Variants in SPAG9 observed in about 807,000 individuals in gnomAD.
SPAG9 encodes the protein C-Jun-amino-terminal kinase-interacting protein 4.
In SPAG9, 35 loss-of-function variants were observed where a neutral mutation model predicts 166.5. The observed-to-expected ratio is 0.21, with a 90% CI of 0.16 to 0.28. The LOEUF is 0.28. Among genes scored for constraint, SPAG9 ranks in the 10% least tolerant of loss-of-function variants. The pLI is 1.00. For missense variants in SPAG9, 1,235 were observed against 1,603.3 expected (o/e 0.77, Z 3.92); for synonymous variants, 534 against 565.5 (o/e 0.94, Z 0.79).
intron 8 of SPAG9, among the ~76,000 whole-genome samples, chr17:51,019,901 T>C (rs1428773636): frequency 6.6e-6 from 1 of 152,194 alleles, no homozygotes; most frequent in African/African-American, 2.4e-5. Flanking sequence ...CTCTGGTATT[T>C]TGCTATAGCA....
chr17:51,084,572 A>G (rs1325695745), intron 1 of SPAG9, among the ~76,000 whole-genome samples: 1 of 151,906 alleles, frequency 6.6e-6, no homozygotes, highest in Non-Finnish European at 1.5e-5. Flanking sequence ...ACGCCCAGCT[A>G]ATTTTTTTGT....
chr17:50,993,494 G>C (rs1293518077), intron 19 of SPAG9, among the ~76,000 whole-genome samples: 1 of 151,896 alleles, frequency 6.6e-6, no homozygotes, highest in Non-Finnish European at 1.5e-5. Flanking sequence ...CAAAACTTTA[G>C]AAGACCTTTC....
chr17:51,011,665 G>A (rs932364379), intron 9 of SPAG9, among the ~76,000 whole-genome samples: 1 of 152,114 alleles, frequency 6.6e-6, no homozygotes, highest in Non-Finnish European at 1.5e-5. Flanking sequence ...TTACAGGCAT[G>A]AGCCACCGTG....
chr17:51,008,970 A>G (rs935893296), intron 9 of SPAG9, among the ~76,000 whole-genome samples: 1 of 152,192 alleles, frequency 6.6e-6, no homozygotes, highest in Admixed American at 6.5e-5. Context: ...TGTTTGCTAT[A>G]AACTCTCAAG....
At chr17:51,106,102 TACACACACACACACACACACACACACAC>T (rs71149344) in intron 1 of SPAG9, among the ~76,000 whole-genome samples, 3 of 110,574 alleles carry the variant, frequency 2.7e-5, no homozygotes, top group African/African-American at 7.1e-5. Flanking sequence ...CCCCCATCTC[TACACACACACACACACACACACACACAC>T]ACACACACAC....
At chr17:51,089,387 G>A (rs2048386935) in intron 1 of SPAG9, among the ~76,000 whole-genome samples, 2 of 151,340 alleles carry the variant, frequency 1.3e-5, no homozygotes, top group Admixed American at 6.6e-5. Context: ...CTGTGCCATT[G>A]CACTCCAGCC....
At chr17:51,111,808 G>T (rs1277794040) in intron 1 of SPAG9, among the ~76,000 whole-genome samples, 1 of 151,958 alleles carries the variant, frequency 6.6e-6, no homozygotes, top group Non-Finnish European at 1.5e-5. Context: ...TCACCATGTT[G>T]GTCAGGGCTG....
intron 3 of SPAG9, among the ~76,000 whole-genome samples, chr17:51,048,992 GA>G (rs1204974261): frequency 3.9e-5 from 6 of 152,128 alleles, no homozygotes; most frequent in African/African-American, 1.4e-4. Context: ...GTGTCAGGAA[GA>G]ATTTTCAGGA....
intron 2 of SPAG9, among the ~76,000 whole-genome samples, chr17:51,078,165 A>C (rs1244888331): frequency 6.6e-6 from 1 of 152,148 alleles, no homozygotes; most frequent in Non-Finnish European, 1.5e-5. Flanking sequence ...GGTATCCAAC[A>C]ACTCTGGGTA....
intron 3 of SPAG9, among the ~76,000 whole-genome samples, chr17:51,055,223 C>T (rs2047329671): frequency 6.6e-6 from 1 of 151,880 alleles, no homozygotes; most frequent in African/African-American, 2.4e-5. Context: ...TATGGTGGCA[C>T]ACACCTGTAA....
intron 1 of SPAG9, among the ~76,000 whole-genome samples, chr17:51,095,941 ATAGT>A (rs1284578220): frequency 1.7e-5 from 2 of 118,668 alleles, no homozygotes; most frequent in East Asian, 2.1e-4. Context: ...ATATAGTGAT[ATAGT>A]TATATATATA....
chr17:51,115,791 T>C (rs977020169), intron 1 of SPAG9, among the ~76,000 whole-genome samples: 9 of 151,408 alleles, frequency 5.9e-5, no homozygotes, highest in Admixed American at 1.3e-4. Context: ...GATGGCACCA[T>C]TGCACTCTAG....
chr17:51,032,558 A>G (rs576380201), intron 5 of SPAG9, among the ~76,000 whole-genome samples: 4 of 152,290 alleles, frequency 2.6e-5, no homozygotes, highest in African/African-American at 9.6e-5. Flanking sequence ...CTTAAATACA[A>G]AGCAACAGTT....
chr17:51,040,318 A>G (rs2046789396), intron 5 of SPAG9: 1 of 152,064 alleles, frequency 6.6e-6, no homozygotes, highest in Admixed American at 6.6e-5. Flanking sequence ...ACTGAGCACT[A>G]TTAGCTTCTA....
At chr17:50,976,467 A>C (rs772720383) in intron 27 of SPAG9, 3 of 155,474 alleles carry the variant, frequency 1.9e-5, no homozygotes, top group Non-Finnish European at 4.3e-5. Flanking sequence ...GAAAAAAGGT[A>C]TGGTGATTTT....
intron 28 of SPAG9, among the ~76,000 whole-genome samples, chr17:50,972,130 A>G (rs1362723563): frequency 5.3e-5 from 8 of 152,170 alleles, no homozygotes; most frequent in Admixed American, 4.6e-4. Flanking sequence ...TCCTGGGCTC[A>G]AGTGATCCTC....
In SPAG9 at chr17:51,120,242, G is replaced by T; in HGVS notation, c.303+112C>A. On this transcript the variant is annotated intron_variant, in intron 1 of 29. Transcript: ENST00000262013. This position sits in a 1 kb window ranked among gnomAD's most constrained non-coding sequence, Gnocchi z 4.7. ...TCGGTCCCAGGGGGCATCGGCCTCA[G>T]GCCCGCCCTCCAGGAGGCCCGTCGC... The T allele has an allele frequency of 1.0e-6, 1 of 980,432 alleles. No individual in the cohort carries two copies. Among genetic ancestry groups the T allele is most frequent in the Non-Finnish European group, 1.4e-6 (1 of 705,154 alleles). 60.7% of individuals were successfully genotyped at this position (980,432 alleles called of 1,614,324 possible). A position where few individuals can be genotyped will look rare whatever the true frequency, so the allele number is the denominator to read the frequency against.
intron 29 of SPAG9, among the ~76,000 whole-genome samples, chr17:50,969,222 C>T (rs1298645992): frequency 6.6e-6 from 1 of 152,116 alleles, no homozygotes; most frequent in Non-Finnish European, 1.5e-5. Context: ...CCAAATCCCT[C>T]CCTCCTAAGA....
In SPAG9 at chr17:50,991,923, CTTTTTT is replaced by C. The variant is rs1023810785; in HGVS notation, c.2399-1261_2399-1256del. Among the ~76,000 whole-genome samples, 16 of 63,336 alleles carry C rather than the reference CTTTTTT, an allele frequency of 2.5e-4. No individual in the cohort carries two copies. The South Asian group carries it at 9.6e-3, about 38-fold the overall frequency. 41.6% of individuals were successfully genotyped at this position (63,336 alleles called of 152,430 possible). A position where few individuals can be genotyped will look rare whatever the true frequency, so the allele number is the denominator to read the frequency against. ...ACAGGTGTAAGCCACCATGCCAGGT[CTTTTTT>C]TTTTTTTTTTTTTTTTTTTTTTTAA... On this transcript the variant is annotated intron_variant, in intron 19 of 29. Coordinates refer to ENST00000262013, the MANE Select transcript of SPAG9 (RefSeq NM_001130528.3).
Sources: gnomAD v4.1 joint callset for allele counts (sites outside exome capture counted in the v4.1 genomes callset) on GRCh38, gnomAD v4.1.1 for gene constraint, Gnocchi (gnomAD v3.1) non-coding constraint, MANE v1.5 for transcripts, NCBI Gene and HGNC (gene_info 2026-07-23, HGNC 2026-07-21) for gene names.